Variants in CHIT1 observed in about 807,000 individuals in gnomAD.
The protein encoded by CHIT1 is chitinase 1.
A neutral mutation model predicts 52.0 loss-of-function variants in CHIT1; 47 were observed. The ratio of observed to expected loss-of-function variants is 0.90; its 90% CI spans 0.71 to 1.15. CHIT1 has a LOEUF of 1.15. Ranked by LOEUF, CHIT1 falls within the 50% of genes most tolerant of loss-of-function variation. CHIT1 has a pLI of 0.00. For synonymous variants in CHIT1, 242 were observed against 228.2 expected (o/e 1.06, Z -0.54); for missense variants, 569 against 583.0 (o/e 0.98, Z 0.25).
Position 203,223,655 on chromosome 1 carries a change from G to A in CHIT1, c.320C>T (p.Thr107Ile), listed in dbSNP as rs1224916323. 1.4e-5 allele frequency: 23 copies of A among 1,614,102 alleles called. No homozygotes were observed. The highest frequency in any genetic ancestry group is 1.9e-5 in the Non-Finnish European group (22 of 1,180,040). The change falls in exon 5 of 11, where the codon ACA becomes ATA. Residue 107 changes from threonine to isoleucine, a missense_variant. Physicochemically the swap from Thr to Ile is moderately conservative, Grantham distance 89. Transcript: ENST00000367229. ...GGWNFGTQKF[T>I]DMVATANNRQ... is the part of the protein sequence containing the mutation. ...GTTGTTGGCCGTGGCTACCATATCT[G>A]TGAACCTGTGAGGTGATGAAGGGGA...
chr1:203,219,123 C>G lies in CHIT1; in HGVS notation c.1029+93G>C, dbSNP rs1317635704. ...GAAATGTTGGGACATTTAAAGGAGA[C>G]TCACCCTTGAGGTCCTGAACTGTCC... On this transcript the variant is annotated intron_variant, in intron 9 of 10. Transcript: ENST00000367229. 31 of 787,866 alleles carry G rather than the reference C, an allele frequency of 3.9e-5. No homozygotes were observed. In the Middle Eastern group the frequency reaches 1.1e-3, roughly 28 times the overall value. 48.8% of individuals were successfully genotyped at this position (787,866 alleles called of 1,614,324 possible). A position where few individuals can be genotyped will look rare whatever the true frequency, so the allele number is the denominator to read the frequency against.
At position 203,223,205 on chromosome 1, in the gene CHIT1, G is replaced by T. The variant is rs1447958125; in HGVS notation, c.535C>A (p.Leu179Ile). Residue 179 changes from leucine to isoleucine, a missense_variant, in exon 6 of 11, where the codon CTT becomes ATT. Coordinates refer to ENST00000367229, the MANE Select transcript of CHIT1 (RefSeq NM_003465.3). ...CCAGCTGGAACCGCTGCACTCAGAA[G>T]AAGGCGTTCCTTCCCTGAGGTCTGG... is the stretch of plus-strand genomic sequence containing the variant. The part of the protein sequence containing the change: ...EAQTSGKERL[L>I]LSAAVPAGQT... 6.2e-7 allele frequency: 1 copy of T among 1,614,126 alleles called. No homozygotes were observed. Among genetic ancestry groups the T allele is most frequent in the African/African-American group, 1.3e-5 (1 of 74,948 alleles).
chr1:203,216,236 G>A lies in CHIT1; in HGVS notation c.*653C>T, dbSNP rs1288702631. 1 of 453,956 alleles carries A rather than the reference G, an allele frequency of 2.2e-6. No individual in the cohort carries two copies. The highest frequency in any genetic ancestry group is 2.0e-5 in the African/African-American group (1 of 49,990). 28.1% of individuals were successfully genotyped at this position (453,956 alleles called of 1,614,324 possible). On this transcript the variant is annotated 3_prime_UTR_variant, in exon 11 of 11. Coordinates refer to ENST00000367229, the MANE Select transcript of CHIT1 (RefSeq NM_003465.3). Reference sequence around the variant, plus strand: ...TTGTTCCTTCTTCATCTGGTGAACGGGGGCAGTAGGTGAGATAGGGCCTGC... The same window carrying A: ...TTGTTCCTTCTTCATCTGGTGAACGAGGGCAGTAGGTGAGATAGGGCCTGC...
chr1:203,225,199 G>A, intron 3 of CHIT1, 95 bp from the exon 4 acceptor site: 1 of 1,192,728 alleles, frequency 8.4e-7, no homozygotes. Flanking sequence ...CAGGGGTGGG[G>A]ACGTGTGAAA....
Position 203,216,330 on chromosome 1 carries a change from T to TGA in CHIT1, c.*557_*558dup, listed in dbSNP as rs1453094685. 5 of 453,982 alleles carry TGA rather than the reference T, an allele frequency of 1.1e-5. No individual in the cohort carries two copies. The highest frequency in any genetic ancestry group is 1.0e-4 in the African/African-American group (5 of 49,988). 28.1% of individuals were successfully genotyped at this position (453,982 alleles called of 1,614,324 possible). A position where few individuals can be genotyped will look rare whatever the true frequency, so the allele number is the denominator to read the frequency against. Reference sequence around the variant, plus strand: ...GGGGTCTGAATTCTTAGTGTAATGCTGAGTGGCTGCTCGCAGAGCGCTTAA... The same window carrying TGA: ...GGGGTCTGAATTCTTAGTGTAATGCTGAGAGTGGCTGCTCGCAGAGCGCTTAA... On this transcript the variant is annotated 3_prime_UTR_variant, in exon 11 of 11. Coordinates refer to ENST00000367229, the MANE Select transcript of CHIT1 (RefSeq NM_003465.3).
chr1:203,218,334 C>T (rs1656613910), intron 9 of CHIT1, among the ~76,000 whole-genome samples: 1 of 152,200 alleles, frequency 6.6e-6, no homozygotes, highest in Non-Finnish European at 1.5e-5. Context: ...GAGCCATCTT[C>T]CCTCCACCAG....
At chr1:203,223,795 T>G in intron 4 of CHIT1, 135 bp from the exon 5 acceptor site, 1 of 899,368 alleles carries the variant, frequency 1.1e-6, no homozygotes, top group South Asian at 1.3e-5. Context: ...GGAGGGCTGC[T>G]TCAGAGGCTG....
At chr1:203,219,520 A>G (rs1034835233) in intron 8 of CHIT1, 144 bp downstream of exon 8, 4 of 1,085,476 alleles carry the variant, frequency 3.7e-6, no homozygotes, top group African/African-American at 3.1e-5. Context: ...TAAATTCAAG[A>G]TGGCATGGAT....
In CHIT1 at chr1:203,225,106, T is replaced by G. The variant is rs749140099; in HGVS notation, c.258-2A>C. 6.2e-7 allele frequency: 1 copy of G among 1,613,742 alleles called. No individual in the cohort carries two copies. Among genetic ancestry groups the G allele is most frequent in the East Asian group, 2.2e-5 (1 of 44,828 alleles). On this transcript the variant is annotated splice_acceptor_variant, in intron 3 of 10. Transcript: ENST00000367229. LOFTEE classifies it high-confidence loss of function. Reference sequence around the variant, plus strand: ...AACAGGGTCTTCAGCTTGGGATTCCTGGGAAAGACAGGAGACACAGCAGGA... The same window carrying G: ...AACAGGGTCTTCAGCTTGGGATTCCGGGGAAAGACAGGAGACACAGCAGGA...
chr1:203,229,423 T>C (rs1657051660), intron 1 of CHIT1, among the ~76,000 whole-genome samples, 189 bp downstream of exon 1: 1 of 152,040 alleles, frequency 6.6e-6, no homozygotes, highest in African/African-American at 2.4e-5. Flanking sequence ...TGAAAGAGCC[T>C]AAGGGGGAGC....
At chr1:203,219,492 G>T in intron 8 of CHIT1, 163 bp from the exon 9 acceptor site, 1 of 933,168 alleles carries the variant, frequency 1.1e-6, no homozygotes, top group Non-Finnish European at 1.7e-6. Context: ...CTCAGCTTGA[G>T]GCACCTGGGC....
chr1:203,225,210 G>A (rs779309380), intron 3 of CHIT1, 106 bp from the exon 4 acceptor site: 10 of 1,014,268 alleles, frequency 9.9e-6, no homozygotes, highest in Non-Finnish European at 1.4e-5. Flanking sequence ...ACGTGTGAAA[G>A]TGCCTATGTG....
chr1:203,223,547 C>G lies in CHIT1; in HGVS notation c.428G>C (p.Gly143Ala), dbSNP rs1207386550. 6.2e-7 allele frequency: 1 copy of G among 1,614,210 alleles called. No individual in the cohort carries two copies. Among genetic ancestry groups the G allele is most frequent in the Non-Finnish European group, 8.5e-7 (1 of 1,180,032 alleles). The change falls in exon 5 of 11, where the codon GGA becomes GCA. Residue 143 changes from glycine (G) to alanine (A), a missense_variant. Coordinates refer to ENST00000367229, the MANE Select transcript of CHIT1 (RefSeq NM_003465.3). Reference protein sequence around the residue: ...DGLDLDWEYPGSQGSPAVDKE... With the variant: ...DGLDLDWEYPASQGSPAVDKE... ...GTCTACGGCAGGGCTCCCCTGGCTT[C>G]CTGGGTACTCCCAGTCAAGGTCAAG...
At chr1:203,226,588 A>G (rs936464646) in intron 2 of CHIT1, among the ~76,000 whole-genome samples, 1 of 152,170 alleles carries the variant, frequency 6.6e-6, no homozygotes, top group Non-Finnish European at 1.5e-5. Context: ...ATCTACGTTT[A>G]TCAATATCAC....
intron 1 of CHIT1, 63 bp from the exon 2 acceptor site, chr1:203,228,625 A>G (rs1460271947): frequency 2.0e-6 from 3 of 1,531,584 alleles, no homozygotes; most frequent in African/African-American, 2.8e-5. Context: ...CAGGCCCCAC[A>G]GCTTACGGAA....
At chr1:203,226,561 G>A (rs2486070) in intron 2 of CHIT1, among the ~76,000 whole-genome samples, 32,955 of 152,134 alleles carry the variant, frequency 0.22, 4,124 homozygotes, top group East Asian at 0.55. Flanking sequence ...GCATTTGCTT[G>A]TTATCCCTTG....
chr1:203,219,572 C>T, intron 8 of CHIT1, 92 bp downstream of exon 8: 1 of 1,440,326 alleles, frequency 6.9e-7, no homozygotes, highest in Non-Finnish European at 9.8e-7. Flanking sequence ...CAATTGGCAT[C>T]CTTACTCAGA....
rs555993709 is a variant in CHIT1, at chr1:203,223,170, A to G, written c.570T>C (p.Tyr190=). The G allele has an allele frequency of 1.9e-6, 3 of 1,614,120 alleles. No homozygotes were observed. Among genetic ancestry groups the G allele is most frequent in the Non-Finnish European group, 1.7e-6 (2 of 1,180,018 alleles). Residue 190 remains tyrosine (Y), a synonymous_variant, in exon 6 of 11, where the codon TAT becomes TAC. Transcript: ENST00000367229. ...LSAAVPAGQT[Y]VDAGYEVDKI... ...TGTCCACCTCGTATCCAGCATCCACATAGGTCTGCCCAGCTGGAACCGCTG... is the reference window on the plus strand; with the variant it reads ...TGTCCACCTCGTATCCAGCATCCACGTAGGTCTGCCCAGCTGGAACCGCTG...
At position 203,224,505 on chromosome 1, in the gene CHIT1, G is replaced by C. The variant is rs138844878; in HGVS notation, c.314+543C>G. 1.6e-4 allele frequency among the ~76,000 whole-genome samples: 24 copies of C among 152,168 alleles called. No homozygotes were observed. The East Asian group carries it at 4.3e-3, about 27-fold the overall frequency. On this transcript the variant is annotated intron_variant, in intron 4 of 10. Coordinates refer to ENST00000367229, the MANE Select transcript of CHIT1 (RefSeq NM_003465.3). ...TTTTAGAAAGACTGTTTAGAGCTTT[G>C]GGAGCCCTATATTCTGGATTTTCTA...
Sources: allele counts gnomAD v4.1 joint callset (sites outside exome capture counted in the v4.1 genomes callset), GRCh38; gene constraint gnomAD v4.1.1; transcripts MANE v1.5; gene names NCBI Gene and HGNC (gene_info 2026-07-23, HGNC 2026-07-21).